ATOH8: variants seen among roughly 807,000 people sequenced by gnomAD.
ATOH8 encodes the protein transcription factor ATOH8.
Under a neutral mutation model 21.2 loss-of-function variants are expected in ATOH8, and 9 were observed. The observed-to-expected ratio is 0.42, with a 90% CI of 0.26 to 0.74. ATOH8 has a LOEUF of 0.74. Among genes scored for constraint, ATOH8 ranks in the 30% least tolerant of loss-of-function variants. The probability of loss-of-function intolerance (pLI) is 0.24; values close to 1 mark genes in which losing one functional copy is unlikely to be tolerated. For missense variants in ATOH8, 524 were observed against 470.9 expected (o/e 1.11, Z -1.04); for synonymous variants, 253 against 224.0 (o/e 1.13, Z -1.16).
intron 2 of ATOH8, chr2:85,780,321 C>T (rs993580428): frequency 6.6e-6 from 1 of 152,306 alleles, no homozygotes; most frequent in African/African-American, 2.4e-5. Context: ...CCCCAGGTTA[C>T]CTGCTCTCAT....
intron 2 of ATOH8, among the ~76,000 whole-genome samples, chr2:85,786,421 G>A (rs1244787673): frequency 2.0e-5 from 3 of 152,234 alleles, no homozygotes. Context: ...GCTGGCAGGT[G>A]AATGTGCTAC....
Position 85,786,923 on chromosome 2 carries a change from G to C in ATOH8, c.*33G>C. 6.2e-7 allele frequency: 1 copy of C among 1,614,110 alleles called. No homozygotes were observed. The highest frequency in any genetic ancestry group is 8.5e-7 in the Non-Finnish European group (1 of 1,179,994). On this transcript the variant is annotated 3_prime_UTR_variant, in exon 3 of 3. Coordinates refer to ENST00000306279, the MANE Select transcript of ATOH8 (RefSeq NM_032827.7). Reference sequence around the variant, plus strand: ...CAGGCAAGACCAAGGCCACCACTGTGGGCCCTCCTTCCAGTCAGGCCTGAG... The same window carrying C: ...CAGGCAAGACCAAGGCCACCACTGTCGGCCCTCCTTCCAGTCAGGCCTGAG...
intron 2 of ATOH8, among the ~76,000 whole-genome samples, chr2:85,767,616 C>G (rs1680058132): frequency 6.7e-6 from 1 of 149,482 alleles, no homozygotes; most frequent in Non-Finnish European, 1.5e-5. Flanking sequence ...TATTGAGTAC[C>G]CTCTATGTAC....
intron 1 of ATOH8, among the ~76,000 whole-genome samples, chr2:85,760,178 CAA>C (rs1333442421): frequency 6.6e-6 from 1 of 151,974 alleles, no homozygotes; most frequent in Admixed American, 6.6e-5. Context: ...GCGAAAATGC[CAA>C]AGTCTGTTCC....
intron 2 of ATOH8, among the ~76,000 whole-genome samples, chr2:85,784,372 T>C (rs1162956734): frequency 6.6e-6 from 1 of 152,006 alleles, no homozygotes; most frequent in East Asian, 1.9e-4. Context: ...GCCTTGTCTC[T>C]ATAAAAAATA....
rs751479937 is a variant in ATOH8, at chr2:85,785,164, C to A, written c.961-1721C>A. ...ACCCAGCCTCCCCTTCTTCCTCAGGCCACGGGCAGGCTGAACAAGAGAAAA... is the reference window on the plus strand; with the variant it reads ...ACCCAGCCTCCCCTTCTTCCTCAGGACACGGGCAGGCTGAACAAGAGAAAA... On this transcript the variant is annotated intron_variant, in intron 2 of 2. Coordinates refer to ENST00000306279, the MANE Select transcript of ATOH8 (RefSeq NM_032827.7). This position sits in a 1 kb window ranked among gnomAD's most constrained non-coding sequence, Gnocchi z 4.1. Among the ~76,000 whole-genome samples, 7 of 152,254 alleles carry A rather than the reference C, an allele frequency of 4.6e-5. No individual in the cohort carries two copies. Among genetic ancestry groups the A allele is most frequent in the African/African-American group, 1.7e-4 (7 of 41,466 alleles).
intron 2 of ATOH8, among the ~76,000 whole-genome samples, chr2:85,781,459 C>T (rs1031205091): frequency 2.0e-5 from 3 of 151,958 alleles, no homozygotes; most frequent in African/African-American, 7.3e-5. Context: ...CCTAGCTACT[C>T]GGGAGGCTGA....
chr2:85,757,551 T>C (rs1199569201), intron 1 of ATOH8, among the ~76,000 whole-genome samples: 2 of 152,222 alleles, frequency 1.3e-5, no homozygotes, highest in African/African-American at 4.8e-5. Flanking sequence ...TTCATTCTCC[T>C]GAGCAGCTTC....
chr2:85,770,418 A>G (rs958457454), intron 2 of ATOH8, among the ~76,000 whole-genome samples: 1 of 152,136 alleles, frequency 6.6e-6, no homozygotes, highest in African/African-American at 2.4e-5. Context: ...TTCAAAGCCC[A>G]AGGAGGCCAT....
At chr2:85,773,898 C>T (rs547421263) in intron 2 of ATOH8, 11 of 164,506 alleles carry the variant, frequency 6.7e-5, no homozygotes, top group African/African-American at 1.9e-4. Context: ...AAGGGCTCAG[C>T]GCAGGCCCAC....
chr2:85,754,109 G>A lies in ATOH8; in HGVS notation c.-81G>A. ...AGGGAGGGGGAGGGCGGGCGAAGCG[G>A]GAGAGCCAGAGACTCCTCGGCGCTG... On this transcript the variant is annotated 5_prime_UTR_variant, in exon 1 of 3. Coordinates refer to ENST00000306279, the MANE Select transcript of ATOH8 (RefSeq NM_032827.7). 1 of 1,368,240 alleles carries A rather than the reference G, an allele frequency of 7.3e-7. No individual in the cohort carries two copies. Among genetic ancestry groups the A allele is most frequent in the Non-Finnish European group, 9.4e-7 (1 of 1,058,980 alleles). The allele number at this position is 1,368,240 out of a possible 1,614,324, so 84.8% of individuals were successfully genotyped here.
intron 1 of ATOH8, among the ~76,000 whole-genome samples, chr2:85,758,854 G>A (rs1220455136): frequency 6.6e-6 from 1 of 152,240 alleles, no homozygotes; most frequent in East Asian, 1.9e-4. Context: ...TGCCAGGTGG[G>A]AGGGGTCAAA....
intron 2 of ATOH8, among the ~76,000 whole-genome samples, chr2:85,779,801 C>T (rs909977975): frequency 4.6e-5 from 7 of 152,310 alleles, no homozygotes; most frequent in Non-Finnish European, 7.3e-5. Flanking sequence ...CAAAAGACAA[C>T]GCATGCAAAC....
At chr2:85,776,190 G>C (rs1282634295) in intron 2 of ATOH8, among the ~76,000 whole-genome samples, 1 of 152,166 alleles carries the variant, frequency 6.6e-6, no homozygotes, top group African/African-American at 2.4e-5. Flanking sequence ...GGTGGGGCTT[G>C]GACAGGCTGA....
intron 2 of ATOH8, among the ~76,000 whole-genome samples, chr2:85,764,740 G>C (rs578198522): frequency 1.3e-5 from 2 of 152,308 alleles, no homozygotes; most frequent in East Asian, 3.9e-4. Context: ...ATATGGTCCT[G>C]GTCCCCAGGC....
chr2:85,776,745 AC>A (rs1397337597), intron 2 of ATOH8, among the ~76,000 whole-genome samples: 1 of 151,966 alleles, frequency 6.6e-6, no homozygotes, highest in Non-Finnish European at 1.5e-5. Context: ...TTAAAGATGG[AC>A]CCTCAGTGGC....
chr2:85,766,932 C>T lies in ATOH8; in HGVS notation c.960+2750C>T, dbSNP rs745377078. Among the ~76,000 whole-genome samples, 1 of 152,182 alleles carries T rather than the reference C, an allele frequency of 6.6e-6. No homozygotes were observed. The highest frequency in any genetic ancestry group is 6.5e-5 in the Admixed American group (1 of 15,286). Reference sequence around the variant, plus strand: ...CATAGCTGGCCTTAGCTGGTCCCCTCGGCAGATGTCCTGCCCCAGAGTGGA... The same window carrying T: ...CATAGCTGGCCTTAGCTGGTCCCCTTGGCAGATGTCCTGCCCCAGAGTGGA... On this transcript the variant is annotated intron_variant, in intron 2 of 2. Transcript: ENST00000306279. This position sits in a 1 kb window ranked among gnomAD's most constrained non-coding sequence, Gnocchi z 4.0.
At chr2:85,778,012 C>G (rs1680376022) in intron 2 of ATOH8, among the ~76,000 whole-genome samples, 1 of 152,218 alleles carries the variant, frequency 6.6e-6, no homozygotes, top group Admixed American at 6.5e-5. Context: ...CCTTCCTACC[C>G]CACCCCGATG....
intron 1 of ATOH8, among the ~76,000 whole-genome samples, chr2:85,757,988 T>A (rs1459626618): frequency 6.6e-6 from 1 of 151,992 alleles, no homozygotes; most frequent in Non-Finnish European, 1.5e-5. Context: ...GGTTTCACCA[T>A]GTTGCCCAGG....
Sources: allele counts gnomAD v4.1 joint callset (sites outside exome capture counted in the v4.1 genomes callset), GRCh38; gene constraint gnomAD v4.1.1; non-coding constraint Gnocchi (gnomAD v3.1); transcripts MANE v1.5; gene names NCBI Gene and HGNC (gene_info 2026-07-23, HGNC 2026-07-21).